The following CAMTA1 variants were observed in gnomAD, a reference collection of about 807,000 sequenced individuals.
CAMTA1 encodes the protein calmodulin-binding transcription activator 1.
CAMTA1 carries 27 observed loss-of-function variants against 170.9 expected under a neutral mutation model. That is an observed-to-expected ratio of 0.16 (90% CI 0.12 to 0.22). CAMTA1 has a LOEUF of 0.22. Among genes scored for constraint, CAMTA1 ranks in the 10% least tolerant of loss-of-function variants. CAMTA1 has a pLI of 1.00. For missense variants in CAMTA1, 1,619 were observed against 2,217.2 expected, an observed-to-expected ratio of 0.73 and a Z score of 5.42; for synonymous variants, 833 against 891.5, an observed-to-expected ratio of 0.93 and a Z score of 1.17.
chr1:6,797,390 GTT>G (rs766109901), intron 1 of CAMTA1, among the ~76,000 whole-genome samples: 1 of 142,394 alleles, frequency 7.0e-6, no homozygotes, highest in Non-Finnish European at 1.5e-5. Context: ...TATTTACTGG[GTT>G]TTTTTTTTTT....
At chr1:7,358,346 C>T (rs2085283270) in intron 5 of CAMTA1, among the ~76,000 whole-genome samples, 2 of 152,206 alleles carry the variant, frequency 1.3e-5, no homozygotes, top group African/African-American at 4.8e-5. Flanking sequence ...AAATGGACTC[C>T]ATTTATTTTA....
At chr1:7,228,160 G>T (rs184879867) in intron 4 of CAMTA1, among the ~76,000 whole-genome samples, 30 of 152,338 alleles carry the variant, frequency 2.0e-4, no homozygotes, top group Admixed American at 1.8e-3. Context: ...TAGACCACAG[G>T]GCTCTGATTT....
At chr1:7,683,900 G>A (rs1055399017) in intron 11 of CAMTA1, among the ~76,000 whole-genome samples, 4 of 152,226 alleles carry the variant, frequency 2.6e-5, no homozygotes, top group Non-Finnish European at 5.9e-5. Flanking sequence ...CCAGTTTGGG[G>A]AGCATCTTAG....
At position 7,588,425 on chromosome 1, in the gene CAMTA1, CACACT is replaced by C. The variant is rs1317097888; in HGVS notation, c.511-51968_511-51964del. ...CTCAGGAGGCCCTGGGCTTCGTAAT[CACACT>C]ACACTAACGCCTCTGCAAGCATCGT... On this transcript the variant is annotated intron_variant, in intron 6 of 22. Transcript: ENST00000303635. This position sits in a 1 kb window ranked among gnomAD's most constrained non-coding sequence, Gnocchi z 5.8. Among the ~76,000 whole-genome samples, 2 of 152,222 alleles carry C rather than the reference CACACT, an allele frequency of 1.3e-5. No homozygotes were observed. The highest frequency in any genetic ancestry group is 1.3e-4 in the Admixed American group (2 of 15,288).
intron 3 of CAMTA1, among the ~76,000 whole-genome samples, chr1:6,839,525 A>G (rs1026545368): frequency 5.9e-5 from 9 of 152,348 alleles, no homozygotes; most frequent in South Asian, 2.1e-4. Context: ...TGAGGTTCCA[A>G]TTCTCATGGA....
At chr1:7,228,810 C>G (rs928209130) in intron 4 of CAMTA1, among the ~76,000 whole-genome samples, 2 of 152,162 alleles carry the variant, frequency 1.3e-5, no homozygotes, top group African/African-American at 4.8e-5. Flanking sequence ...GAAATAGGAG[C>G]CTCATGATCC....
intron 3 of CAMTA1, among the ~76,000 whole-genome samples, chr1:6,901,275 A>G (rs1275390858): frequency 6.6e-6 from 1 of 152,256 alleles, no homozygotes; most frequent in African/African-American, 2.4e-5. Context: ...GTTTAAATCT[A>G]TAAGCCTTCT....
chr1:7,703,693 ATATC>A (rs1432337382), intron 11 of CAMTA1, among the ~76,000 whole-genome samples: 2 of 152,178 alleles, frequency 1.3e-5, no homozygotes, highest in Non-Finnish European at 2.9e-5. Flanking sequence ...CTATATATCT[ATATC>A]TATTAGTATA....
At chr1:6,799,393 G>C (rs955305287) in intron 1 of CAMTA1, among the ~76,000 whole-genome samples, 4 of 152,244 alleles carry the variant, frequency 2.6e-5, no homozygotes, top group African/African-American at 9.6e-5. Context: ...AGCTGGGAAT[G>C]CTGGTGAGCA....
rs557775771 is a variant in CAMTA1, at chr1:6,884,052, C to T, written c.234+58842C>T. ...TCAGTGGCTGCCTTACTGGACAGCT[C>T]ATGGGATGGTCATGGAGTGTAGTCC... On this transcript the variant is annotated intron_variant, in intron 3 of 22. Coordinates refer to ENST00000303635, the MANE Select transcript of CAMTA1 (RefSeq NM_015215.4). Among the ~76,000 whole-genome samples, 10 of 152,096 alleles carry T rather than the reference C, an allele frequency of 6.6e-5. No homozygotes were observed. In the East Asian group the frequency reaches 1.7e-3, roughly 26 times the overall value.
Position 7,293,064 on chromosome 1 carries a change from G to A in CAMTA1, c.438+43438G>A, listed in dbSNP as rs1673390118. On this transcript the variant is annotated intron_variant, in intron 5 of 22. Transcript: ENST00000303635. The surrounding 1 kb of genome is among the most constrained non-coding windows in gnomAD (Gnocchi z 4.1). ...GCTCCGGCGGGGTGTCCTACTCCCT[G>A]CTGGGTCACTGGAGCTTCCAGAGCC... Among the ~76,000 whole-genome samples, 1 of 152,202 alleles carries A rather than the reference G, an allele frequency of 6.6e-6. No homozygotes were observed. The highest frequency in any genetic ancestry group is 1.9e-4 in the East Asian group (1 of 5,188).
chr1:6,790,135 G>A (rs1324890125), intron 1 of CAMTA1, among the ~76,000 whole-genome samples: 5 of 152,006 alleles, frequency 3.3e-5, no homozygotes, highest in African/African-American at 4.8e-5. Flanking sequence ...GGCCTTCGGT[G>A]TGGTGCTTGT....
chr1:7,529,454 C>T (rs1237170253), intron 6 of CAMTA1, among the ~76,000 whole-genome samples: 1 of 152,192 alleles, frequency 6.6e-6, no homozygotes. Context: ...GCTGAGCCCC[C>T]ACAGAACCCT....
intron 3 of CAMTA1, among the ~76,000 whole-genome samples, chr1:6,826,681 A>G (rs1359589395): frequency 6.6e-6 from 1 of 152,196 alleles, no homozygotes; most frequent in Non-Finnish European, 1.5e-5. Context: ...TCCATATTAT[A>G]TTTCCTGTGG....
intron 5 of CAMTA1, among the ~76,000 whole-genome samples, chr1:7,380,910 G>T (rs950732851): frequency 5.9e-5 from 9 of 152,172 alleles, no homozygotes; most frequent in African/African-American, 2.2e-4. Flanking sequence ...TGAGAGCAGT[G>T]GCTAGTTGGA....
chr1:7,242,961 CAAAAAAT>C (rs1021171248), intron 4 of CAMTA1, among the ~76,000 whole-genome samples: 7 of 151,572 alleles, frequency 4.6e-5, no homozygotes, highest in Non-Finnish European at 8.8e-5. Flanking sequence ...GACTCCATCT[CAAAAAAT>C]AAAAAATAAA....
chr1:6,935,355 G>A (rs1232434046), intron 3 of CAMTA1, among the ~76,000 whole-genome samples: 3 of 152,122 alleles, frequency 2.0e-5, no homozygotes, highest in African/African-American at 7.2e-5. Context: ...TGACAAAAGA[G>A]GCGAGTCCAG....
chr1:7,070,435 C>G (rs1025435672), intron 3 of CAMTA1, among the ~76,000 whole-genome samples: 1 of 152,284 alleles, frequency 6.6e-6, no homozygotes, highest in African/African-American at 2.4e-5. Flanking sequence ...GAAAAATGGG[C>G]GTGATACTGG....
intron 3 of CAMTA1, among the ~76,000 whole-genome samples, chr1:6,854,376 A>G (rs957273861): frequency 6.6e-6 from 1 of 152,246 alleles, no homozygotes; most frequent in African/African-American, 2.4e-5. Context: ...AGGTTGTACT[A>G]TCTAGGTTTT....
Sources: allele counts gnomAD v4.1 joint callset (sites outside exome capture counted in the v4.1 genomes callset), GRCh38; gene constraint gnomAD v4.1.1; non-coding constraint Gnocchi (gnomAD v3.1); transcripts MANE v1.5; gene names NCBI Gene and HGNC (gene_info 2026-07-23, HGNC 2026-07-21).